FASTKD2: variants seen among roughly 807,000 people sequenced by gnomAD.
FASTKD2 encodes the protein FAST kinase domains 2, also known as FAST kinase domain-containing protein 2, mitochondrial.
FASTKD2 carries 51 observed loss-of-function variants against 63.6 expected under a neutral mutation model. The ratio of observed to expected loss-of-function variants is 0.80; its 90% CI spans 0.64 to 1.01. The LOEUF (loss-of-function observed/expected upper bound fraction) is 1.01. Ranked by LOEUF, FASTKD2 falls within the 50% of genes least tolerant of loss-of-function variation. The pLI is 0.00. For synonymous variants in FASTKD2, 284 were observed against 293.4 expected (o/e 0.97, Z 0.33); for missense variants, 786 against 831.1 (o/e 0.95, Z 0.67).
Position 206,767,115 on chromosome 2 carries a change from A to G in FASTKD2, c.422A>G (p.Asn141Ser), listed in dbSNP as rs1689527859. The G allele has an allele frequency of 6.2e-7, 1 of 1,614,096 alleles. No homozygotes were observed. Among genetic ancestry groups the G allele is most frequent in the Non-Finnish European group, 8.5e-7 (1 of 1,179,932 alleles). Residue 141 changes from asparagine (N) to serine (S), a missense_variant, in exon 2 of 12, where the codon AAT becomes AGT. Transcript: ENST00000402774. ...GTAAACCTTAATCATGAAGTCTCCA[A>G]TGAAGATGTTCTTACCAAGGAAACA... ...KKVNLNHEVSNEDVLTKETKP... is the reference protein window; with the variant it reads ...KKVNLNHEVSSEDVLTKETKP...
intron 3 of FASTKD2, among the ~76,000 whole-genome samples, 195 bp downstream of exon 3, chr2:206,770,389 C>T (rs1308672569): frequency 6.6e-6 from 1 of 152,056 alleles, no homozygotes; most frequent in Non-Finnish European, 1.5e-5. Flanking sequence ...GGAAATACTT[C>T]TCTTAGGGTC....
At chr2:206,781,499 A>G (rs1332217952) in intron 7 of FASTKD2, among the ~76,000 whole-genome samples, 1 of 151,414 alleles carries the variant, frequency 6.6e-6, no homozygotes, top group Non-Finnish European at 1.5e-5. Context: ...TAGTTTTGGT[A>G]GAGACGGGGT....
intron 10 of FASTKD2, chr2:206,789,498 G>T (rs1210553152): frequency 1.3e-5 from 2 of 152,776 alleles, no homozygotes; most frequent in African/African-American, 4.8e-5. Flanking sequence ...TGCCATCATT[G>T]CACACACCCG....
intron 7 of FASTKD2, among the ~76,000 whole-genome samples, chr2:206,785,127 A>T (rs1458691684): frequency 1.3e-5 from 2 of 151,994 alleles, no homozygotes; most frequent in East Asian, 3.9e-4. Context: ...GTTTCCCCTT[A>T]TAAAACTATC....
Position 206,795,039 on chromosome 2 carries a change from C to T in FASTKD2, c.*3237C>T, listed in dbSNP as rs987802283. The stretch of plus-strand genomic sequence containing the variant: ...AGCCACTTAGGTAGCTGGCGAGGGA[C>T]GTGGCACAGCCTTGTCTTCACACAG... On this transcript the variant is annotated 3_prime_UTR_variant, in exon 12 of 12. Coordinates refer to ENST00000402774, the MANE Select transcript of FASTKD2 (RefSeq NM_001136193.2). Among the ~76,000 whole-genome samples the T allele has an allele frequency of 1.4e-4, 21 of 151,518 alleles. No homozygotes were observed. The highest frequency in any genetic ancestry group is 3.2e-4 in the African/African-American group (13 of 41,198).
intron 9 of FASTKD2, 150 bp from the exon 10 acceptor site, chr2:206,788,669 C>A (rs762555197): frequency 2.1e-4 from 127 of 607,604 alleles, no homozygotes; most frequent in Middle Eastern, 4.4e-4. Flanking sequence ...TGGGAAGTTG[C>A]TGCAGTGAGC....
In FASTKD2 at chr2:206,787,920, T is replaced by G. The variant is rs1324728432; in HGVS notation, c.1595-17T>G. On this transcript the variant is annotated splice_polypyrimidine_tract_variant and intron_variant, in intron 8 of 11. Transcript: ENST00000402774. ...TTTATTTCTTCTTAATGATATACTC[T>G]CTTTTTCATCTTTTAGATGACATGA... 6.9e-7 allele frequency: 1 copy of G among 1,446,820 alleles called. No homozygotes were observed. Among genetic ancestry groups the G allele is most frequent in the Non-Finnish European group, 9.7e-7 (1 of 1,028,898 alleles). 89.6% of individuals were successfully genotyped at this position (1,446,820 alleles called of 1,614,324 possible).
rs772655416 is a variant in FASTKD2 at position 206,792,021 on chromosome 2, TC to T, written c.*222del. 4 of 542,648 alleles carry T rather than the reference TC, an allele frequency of 7.4e-6. No individual in the cohort carries two copies. Among genetic ancestry groups the T allele is most frequent in the Non-Finnish European group, 1.3e-5 (4 of 303,564 alleles). 33.6% of individuals were successfully genotyped at this position (542,648 alleles called of 1,614,324 possible). Reference sequence around the variant, plus strand: ...GGGTTATTTTTCCAACCACACCTATTCCCTCTAGTGCCCAGATATTTGATTT... The same window carrying T: ...GGGTTATTTTTCCAACCACACCTATTCCTCTAGTGCCCAGATATTTGATTT... On this transcript the variant is annotated 3_prime_UTR_variant, in exon 12 of 12. Coordinates refer to ENST00000402774, the MANE Select transcript of FASTKD2 (RefSeq NM_001136193.2).
chr2:206,780,347 T>G (rs527559360), intron 7 of FASTKD2, among the ~76,000 whole-genome samples: 1 of 152,340 alleles, frequency 6.6e-6, no homozygotes, highest in Non-Finnish European at 1.5e-5. Context: ...TCTACATTTT[T>G]GAAGGACGGT....
chr2:206,793,302 C>T lies in FASTKD2; in HGVS notation c.*1500C>T, dbSNP rs1008375303. 1.3e-5 allele frequency among the ~76,000 whole-genome samples: 2 copies of T among 150,238 alleles called. No individual in the cohort carries two copies. The highest frequency in any genetic ancestry group is 4.9e-5 in the African/African-American group (2 of 40,752). ...CAGCTGCCAGGTTGTATCAATTTAT[C>T]CAGCTTGCATTTAGAAAAGGTTAGA... On this transcript the variant is annotated 3_prime_UTR_variant, in exon 12 of 12. Coordinates refer to ENST00000402774, the MANE Select transcript of FASTKD2 (RefSeq NM_001136193.2).
In FASTKD2 at chr2:206,788,856, G is replaced by A. The variant is rs765347536; in HGVS notation, c.1851G>A (p.Val617=). The A allele has an allele frequency of 1.9e-6, 3 of 1,589,314 alleles. No homozygotes were observed. Among genetic ancestry groups the A allele is most frequent in the Non-Finnish European group, 1.7e-6 (2 of 1,157,898 alleles). Reference sequence around the variant, plus strand: ...GAATGGACACTAACAGGAATCAAGTGCTACCACTTTCTGATGTGGATACAA... The same window carrying A: ...GAATGGACACTAACAGGAATCAAGTACTACCACTTTCTGATGTGGATACAA... ...EIRMDTNRNQ[V]LPLSDVDTTS... Residue 617 remains valine, a synonymous_variant, in exon 10 of 12, where the codon GTG becomes GTA. Transcript: ENST00000402774.
rs767070063 is a variant in FASTKD2, at chr2:206,791,801, A to G, written c.2132A>G (p.Ter711=). The change falls in exon 12 of 12, where the codon TAA becomes TGA. Residue 711 remains the stop codon, a stop_retained_variant. Transcript: ENST00000402774. ...VAAVNVQSTQ[*] ...GCTGTAAATGTGCAAAGCACACAAT[A>G]AAGTGAAAATCAACCTTTTCATATT... The G allele has an allele frequency of 3.7e-6, 6 of 1,612,276 alleles. No homozygotes were observed. Among genetic ancestry groups the G allele is most frequent in the Non-Finnish European group, 2.5e-6 (3 of 1,179,412 alleles).
intron 2 of FASTKD2, among the ~76,000 whole-genome samples, chr2:206,769,336 T>C (rs917123296): frequency 2.0e-5 from 3 of 152,248 alleles, no homozygotes; most frequent in Non-Finnish European, 2.9e-5. Context: ...TCATTGGTTA[T>C]GTAATTTTAG....
rs1161318566 is a variant in FASTKD2, at chr2:206,771,885, T to C, written c.991-9T>C. The stretch of plus-strand genomic sequence containing the variant: ...TAGTAAATTAAATTAAAATTTGTTT[T>C]TTCTTTAGATGAAAGCCTTGAGGGA... On this transcript the variant is annotated splice_polypyrimidine_tract_variant and intron_variant, in intron 4 of 11. Transcript: ENST00000402774. 1.1e-5 allele frequency: 18 copies of C among 1,590,224 alleles called. No homozygotes were observed. The highest frequency in any genetic ancestry group is 1.4e-5 in the Non-Finnish European group (16 of 1,158,566).
At chr2:206,784,180 G>C (rs1690072697) in intron 7 of FASTKD2, among the ~76,000 whole-genome samples, 1 of 152,226 alleles carries the variant, frequency 6.6e-6, no homozygotes, top group South Asian at 2.1e-4. Flanking sequence ...TATAAAAAAA[G>C]AAGTTTGTAT....
At chr2:206,786,113 CGT>C (rs1430704885) in intron 7 of FASTKD2, among the ~76,000 whole-genome samples, 20 of 152,116 alleles carry the variant, frequency 1.3e-4, no homozygotes, top group African/African-American at 4.6e-4. Context: ...ATCAGATTGA[CGT>C]GTGTTCAAAG....
rs541843360 is a variant in FASTKD2 at position 206,787,436 on chromosome 2, A to G, written c.1595-501A>G. Among the ~76,000 whole-genome samples, 6 of 152,354 alleles carry G rather than the reference A, an allele frequency of 3.9e-5. No homozygotes were observed. The East Asian group carries it at 1.2e-3, about 29-fold the overall frequency. Reference sequence around the variant, plus strand: ...ATAAGGCAAAGCAATATTCAGGTAGATGTACAAAATTTGACGATGTGTCTG... The same window carrying G: ...ATAAGGCAAAGCAATATTCAGGTAGGTGTACAAAATTTGACGATGTGTCTG... On this transcript the variant is annotated intron_variant, in intron 8 of 11. Transcript: ENST00000402774.
intron 7 of FASTKD2, among the ~76,000 whole-genome samples, chr2:206,775,509 TA>T (rs202166183): frequency 0.016 from 2,437 of 152,124 alleles, 73 homozygotes; most frequent in African/African-American, 0.054. Context: ...GGTTTGCTAG[TA>T]TTTTTTTTGA....
At position 206,774,173 on chromosome 2, in the gene FASTKD2, A is replaced by G. The variant is rs535271526; in HGVS notation, c.1255-52A>G. On this transcript the variant is annotated intron_variant, in intron 6 of 11. Coordinates refer to ENST00000402774, the MANE Select transcript of FASTKD2 (RefSeq NM_001136193.2). ...ATTTTTTGAGATCTAAAAAATTACT[A>G]TTAGCATACTGTAATTATTATAGAG... 43 of 1,288,990 alleles carry G rather than the reference A, an allele frequency of 3.3e-5. 1 individual carries two copies. The highest frequency in any genetic ancestry group is 2.8e-4 in the Admixed American group (15 of 52,720). 79.8% of individuals were successfully genotyped at this position (1,288,990 alleles called of 1,614,324 possible). A position where few individuals can be genotyped will look rare whatever the true frequency, so the allele number is the denominator to read the frequency against.
Sources: allele counts gnomAD v4.1 joint callset (sites outside exome capture counted in the v4.1 genomes callset), GRCh38; gene constraint gnomAD v4.1.1; transcripts MANE v1.5; gene names NCBI Gene and HGNC (gene_info 2026-07-23, HGNC 2026-07-21).